The following CDYL2 variants were observed in gnomAD, a reference collection of about 807,000 sequenced individuals.
CDYL2 encodes chromodomain Y like 2, also known as chromodomain Y-like protein 2.
A neutral mutation model predicts 49.4 loss-of-function variants in CDYL2; 23 were observed. The observed-to-expected ratio is 0.47, with a 90% confidence interval of 0.34 to 0.66. The LOEUF is 0.66. Ranked by LOEUF, CDYL2 falls within the 30% of genes least tolerant of loss-of-function variation. CDYL2 has a pLI of 0.01. For synonymous variants in CDYL2, 360 were observed against 268.8 expected, an observed-to-expected ratio of 1.34 and a Z score of -3.32; for missense variants, 678 against 656.4, an observed-to-expected ratio of 1.03 and a Z score of -0.36.
intron 1 of CDYL2, chr16:80,738,625 G>A (rs892850113): frequency 9.9e-5 from 15 of 152,124 alleles, no homozygotes; most frequent in African/African-American, 2.7e-4. Context: ...AAGAATAGGC[G>A]GGTGATAACT....
chr16:80,654,937 C>A (rs959357855), intron 2 of CDYL2, among the ~76,000 whole-genome samples: 2 of 152,196 alleles, frequency 1.3e-5, no homozygotes, highest in Non-Finnish European at 2.9e-5. Context: ...TAATCTCAAA[C>A]CCTCAGCAAC....
intron 3 of CDYL2, among the ~76,000 whole-genome samples, chr16:80,630,633 TTC>T (rs1052350976): frequency 1.1e-4 from 16 of 152,084 alleles, no homozygotes; most frequent in African/African-American, 3.6e-4. Flanking sequence ...CCAGGGATGC[TTC>T]TGTTACAGGC....
chr16:80,725,128 C>T (rs1408179712), intron 1 of CDYL2, among the ~76,000 whole-genome samples: 1 of 152,016 alleles, frequency 6.6e-6, no homozygotes. Context: ...GGCATTGTTC[C>T]CTTTCACTGG....
chr16:80,717,968 G>A (rs1904866815), intron 1 of CDYL2, among the ~76,000 whole-genome samples: 1 of 152,156 alleles, frequency 6.6e-6, no homozygotes, highest in Non-Finnish European at 1.5e-5. Flanking sequence ...AGGATGCTGT[G>A]AGGCACATTC....
rs142435508 is a variant in CDYL2 at position 80,623,638 on chromosome 16, C to T, written c.835-2703G>A. ...TATGCATGTTATTGTTTGAGAAGTGCTGCTTTACGATATGAACTCACTTAG... is the reference window on the plus strand; with the variant it reads ...TATGCATGTTATTGTTTGAGAAGTGTTGCTTTACGATATGAACTCACTTAG... On this transcript the variant is annotated intron_variant, in intron 3 of 6. Transcript: ENST00000570137. 3.9e-5 allele frequency among the ~76,000 whole-genome samples: 6 copies of T among 152,318 alleles called. No individual in the cohort carries two copies. In the East Asian group the frequency reaches 1.2e-3, roughly 29 times the overall value.
chr16:80,781,377 C>A (rs775443584), intron 1 of CDYL2, among the ~76,000 whole-genome samples: 1 of 152,024 alleles, frequency 6.6e-6, no homozygotes, highest in Non-Finnish European at 1.5e-5. Context: ...ACAGAGCCCC[C>A]AAAATATATG....
intron 6 of CDYL2, among the ~76,000 whole-genome samples, chr16:80,605,524 T>C (rs1264283106): frequency 6.7e-6 from 1 of 149,852 alleles, no homozygotes; most frequent in Non-Finnish European, 1.5e-5. Flanking sequence ...GCAATAATCA[T>C]AGTAACAATA....
At chr16:80,731,155 C>CA (rs1320082092) in intron 1 of CDYL2, among the ~76,000 whole-genome samples, 1 of 151,802 alleles carries the variant, frequency 6.6e-6, no homozygotes, top group Non-Finnish European at 1.5e-5. Context: ...CTTCCAGAGA[C>CA]AAGAGAAAAC....
At chr16:80,700,184 T>G (rs1904293603) in intron 1 of CDYL2, among the ~76,000 whole-genome samples, 1 of 152,194 alleles carries the variant, frequency 6.6e-6, no homozygotes, top group Admixed American at 6.5e-5. Flanking sequence ...AAGAGCAAAG[T>G]TGGAGAAATC....
chr16:80,791,590 T>G (rs562399566), intron 1 of CDYL2, among the ~76,000 whole-genome samples: 1 of 152,134 alleles, frequency 6.6e-6, no homozygotes, highest in Non-Finnish European at 1.5e-5. Flanking sequence ...ACACATAAGC[T>G]GAGATCTGAA....
chr16:80,684,356 T>C (rs1193369123), intron 2 of CDYL2, among the ~76,000 whole-genome samples, 182 bp downstream of exon 2: 1 of 152,096 alleles, frequency 6.6e-6, no homozygotes, highest in Admixed American at 6.5e-5. Context: ...TGAGGGTCTG[T>C]AACCAACATG....
intron 1 of CDYL2, among the ~76,000 whole-genome samples, chr16:80,783,227 A>C (rs991496570): frequency 6.6e-6 from 1 of 152,224 alleles, no homozygotes; most frequent in Non-Finnish European, 1.5e-5. Context: ...GTATTTCTCC[A>C]AAGAACACAT....
intron 3 of CDYL2, 54 bp from the exon 4 acceptor site, chr16:80,620,989 G>A: frequency 1.4e-6 from 2 of 1,476,198 alleles, no homozygotes; most frequent in Non-Finnish European, 1.8e-6. Context: ...TGTAAGCCTG[G>A]GGCTTTCAGA....
chr16:80,643,633 G>C (rs1450484529), intron 2 of CDYL2, among the ~76,000 whole-genome samples: 5 of 152,236 alleles, frequency 3.3e-5, no homozygotes, highest in Non-Finnish European at 7.3e-5. Context: ...TCCAGTTCTT[G>C]ACTTCTGGGC....
At chr16:80,640,346 G>A (rs1472552484) in intron 2 of CDYL2, among the ~76,000 whole-genome samples, 1 of 152,172 alleles carries the variant, frequency 6.6e-6, no homozygotes. Context: ...GGAACCTGCT[G>A]CCTTCAAGGG....
intron 1 of CDYL2, among the ~76,000 whole-genome samples, chr16:80,768,429 T>C (rs1357341400): frequency 1.3e-5 from 2 of 152,224 alleles, no homozygotes; most frequent in Non-Finnish European, 2.9e-5. Context: ...GACTGTGTGA[T>C]ATGTAAACAA....
intron 5 of CDYL2, among the ~76,000 whole-genome samples, chr16:80,608,578 T>G (rs953988571): frequency 6.6e-6 from 1 of 152,132 alleles, no homozygotes; most frequent in Non-Finnish European, 1.5e-5. Context: ...ATGACATCAT[T>G]GGCACTGAAA....
chr16:80,643,274 A>G (rs1409175844), intron 2 of CDYL2, among the ~76,000 whole-genome samples: 1 of 152,222 alleles, frequency 6.6e-6, no homozygotes. Context: ...CTGATTCAAA[A>G]GGTGAGTGCC....
intron 2 of CDYL2, among the ~76,000 whole-genome samples, chr16:80,666,827 G>A (rs766381025): frequency 1.3e-5 from 2 of 152,178 alleles, no homozygotes; most frequent in Non-Finnish European, 2.9e-5. Context: ...GGCTCCTTAA[G>A]TCCTCTCTTT....
Sources: allele counts gnomAD v4.1 joint callset (sites outside exome capture counted in the v4.1 genomes callset), GRCh38; gene constraint gnomAD v4.1.1; transcripts MANE v1.5; gene names NCBI Gene and HGNC (gene_info 2026-07-23, HGNC 2026-07-21).